The following PDE1A variants were observed in gnomAD, a reference collection of about 807,000 sequenced individuals.
PDE1A encodes the protein phosphodiesterase 1A, also known as dual specificity calcium/calmodulin-dependent 3',5'-cyclic nucleotide phosphodiesterase 1A.
In PDE1A, 35 loss-of-function variants were observed where a neutral mutation model predicts 61.7. The ratio of observed to expected loss-of-function variants is 0.57; its 90% CI spans 0.43 to 0.75. The LOEUF (loss-of-function observed/expected upper bound fraction) is 0.75. PDE1A is among the 30% of genes least tolerant of loss of function. The probability of loss-of-function intolerance (pLI) is 0.00; values close to 1 mark genes in which losing one functional copy is unlikely to be tolerated. For synonymous variants in PDE1A, 232 were observed against 213.2 expected, an observed-to-expected ratio of 1.09 and a Z score of -0.77; for missense variants, 597 against 630.6, an observed-to-expected ratio of 0.95 and a Z score of 0.57.
At chr2:182,375,536 G>T (rs1700352784) in intron 1 of PDE1A, among the ~76,000 whole-genome samples, 1 of 152,210 alleles carries the variant, frequency 6.6e-6, no homozygotes, top group African/African-American at 2.4e-5. Context: ...CACCCCTGTG[G>T]CTTTGCAGGG....
At chr2:182,578,304 G>A in the PDE1A span, among the ~76,000 whole-genome samples, 1 of 151,678 alleles carries the variant, frequency 6.6e-6, no homozygotes, top group Non-Finnish European at 1.5e-5. Context: ...CAAATTTAAG[G>A]GTCCTCTTTT....
chr2:182,380,286 A>ATT (rs1240606827), intron 1 of PDE1A, among the ~76,000 whole-genome samples: 2 of 150,900 alleles, frequency 1.3e-5, no homozygotes. Flanking sequence ...ACTTTTTTGT[A>ATT]TTTTTTTAGT....
At chr2:182,330,060 C>T (rs1050463807) in intron 1 of PDE1A, among the ~76,000 whole-genome samples, 10 of 151,898 alleles carry the variant, frequency 6.6e-5, no homozygotes, top group African/African-American at 2.2e-4. Flanking sequence ...TGTTATTTCT[C>T]GGTTGGGCAT....
chr2:182,578,022 G>A, the PDE1A span, among the ~76,000 whole-genome samples: 3 of 151,836 alleles, frequency 2.0e-5, no homozygotes, highest in South Asian at 2.1e-4. Context: ...AAAGAGCAAG[G>A]AAGAATTAGT....
intron 2 of PDE1A, among the ~76,000 whole-genome samples, chr2:182,262,115 ATTTC>A (rs1250541090): frequency 1.3e-5 from 2 of 151,346 alleles, no homozygotes; most frequent in Non-Finnish European, 3.0e-5. Context: ...CAAGAAAATA[ATTTC>A]TTTCTTTCTC....
At chr2:182,241,708 A>G in intron 2 of PDE1A, 1 of 676,818 alleles carries the variant, frequency 1.5e-6, no homozygotes, top group Non-Finnish European at 2.2e-6. Context: ...ACCTTATAAA[A>G]AATAAACATA....
chr2:182,638,514 C>T, the PDE1A span, among the ~76,000 whole-genome samples: 528 of 152,034 alleles, frequency 3.5e-3, 2 homozygotes, highest in African/African-American at 0.012. Context: ...CCAGCCTGGG[C>T]GACAGAGTGG....
At chr2:182,234,223 G>T (rs1410132224) in intron 4 of PDE1A, among the ~76,000 whole-genome samples, 1 of 152,030 alleles carries the variant, frequency 6.6e-6, no homozygotes, top group Non-Finnish European at 1.5e-5. Context: ...TATATATGTT[G>T]ATATAGTTTG....
intron 2 of PDE1A, among the ~76,000 whole-genome samples, chr2:182,262,915 G>T (rs1217594438): frequency 6.6e-6 from 1 of 151,622 alleles, no homozygotes; most frequent in Non-Finnish European, 1.5e-5. Context: ...CCAGGGTAGA[G>T]GCAAGAATTT....
At chr2:182,641,205 A>G in the PDE1A span, among the ~76,000 whole-genome samples, 67 of 152,216 alleles carry the variant, frequency 4.4e-4, no homozygotes, top group African/African-American at 1.6e-3. Context: ...ATGGTTGCCT[A>G]TGTAAGAGGA....
chr2:182,267,324 A>ACTT (rs1290055001), intron 1 of PDE1A, among the ~76,000 whole-genome samples: 2 of 152,012 alleles, frequency 1.3e-5, no homozygotes. Flanking sequence ...TGGACATAAA[A>ACTT]CTTCCACTGG....
the PDE1A span, among the ~76,000 whole-genome samples, chr2:182,581,156 A>G: frequency 6.6e-6 from 1 of 152,184 alleles, no homozygotes; most frequent in African/African-American, 2.4e-5. Context: ...TAATTATACC[A>G]AAGCAAATTT....
intron 13 of PDE1A, among the ~76,000 whole-genome samples, chr2:182,148,743 C>G (rs1454148931): frequency 1.3e-5 from 2 of 152,180 alleles, no homozygotes; most frequent in Admixed American, 1.3e-4. Flanking sequence ...CACCATTTAA[C>G]TCTTTAGATC....
chr2:182,623,842 C>T, the PDE1A span, among the ~76,000 whole-genome samples: 1 of 152,086 alleles, frequency 6.6e-6, no homozygotes, highest in East Asian at 1.9e-4. Flanking sequence ...GATAAGAAGA[C>T]AGGCCAGGCG....
At chr2:182,646,497 G>A in the PDE1A span, among the ~76,000 whole-genome samples, 1 of 151,666 alleles carries the variant, frequency 6.6e-6, no homozygotes, top group South Asian at 2.1e-4. Context: ...AGACCAGCCT[G>A]GCCAACACAG....
chr2:182,660,264 T>G, the PDE1A span, among the ~76,000 whole-genome samples: 1 of 152,176 alleles, frequency 6.6e-6, no homozygotes, highest in Non-Finnish European at 1.5e-5. Context: ...AGAGAAAGAT[T>G]CATTGACACC....
At chr2:182,419,069 A>C (rs1333851017) in intron 1 of PDE1A, among the ~76,000 whole-genome samples, 1 of 140,564 alleles carries the variant, frequency 7.1e-6, no homozygotes, top group Non-Finnish European at 1.5e-5. Flanking sequence ...CCACTAAAAG[A>C]GAAAAAAAAA....
chr2:182,463,809 A>G (rs1053150579), intron 2 of PDE1A: 1 of 152,210 alleles, frequency 6.6e-6, no homozygotes, highest in Non-Finnish European at 1.5e-5. Context: ...ACAAATTCAG[A>G]GTTAATTTTC....
the PDE1A span, among the ~76,000 whole-genome samples, chr2:182,623,188 C>A: frequency 1.6e-4 from 24 of 152,260 alleles, no homozygotes; most frequent in African/African-American, 5.5e-4. Flanking sequence ...CATATGCATA[C>A]ACTAAGCTGG....
Sources: allele counts gnomAD v4.1 joint callset (sites outside exome capture counted in the v4.1 genomes callset), GRCh38; gene constraint gnomAD v4.1.1; transcripts MANE v1.5; gene names NCBI Gene and HGNC (gene_info 2026-07-23, HGNC 2026-07-21).